CHD2: variants seen among roughly 807,000 people sequenced by gnomAD.
CHD2 encodes the protein chromodomain helicase DNA binding protein 2, also known as ATP-dependent chromatin remodeler CHD2.
A neutral mutation model predicts 243.9 loss-of-function variants in CHD2; 28 were observed. That is an observed-to-expected ratio of 0.11 (90% CI 0.09 to 0.16). The LOEUF (loss-of-function observed/expected upper bound fraction) is 0.16. Ranked by LOEUF, CHD2 falls within the 10% of genes least tolerant of loss-of-function variation. The pLI, the probability that CHD2 is intolerant of heterozygous loss-of-function variation, is 1.00. For synonymous variants in CHD2, 775 were observed against 779.0 expected (o/e 0.99, Z 0.09); for missense variants, 1,386 against 2,209.8 (o/e 0.63, Z 7.47).
At position 92,997,421 on chromosome 15, in the gene CHD2, G is replaced by A; in HGVS notation, c.3885+18G>A. On this transcript the variant is annotated intron_variant, in intron 30 of 38. Transcript: ENST00000394196. This position sits in a 1 kb window ranked among gnomAD's most constrained non-coding sequence, Gnocchi z 4.1. The stretch of plus-strand genomic sequence containing the variant: ...CTGACAAAGTAAGTAACCCTACCAT[G>A]CTAGAGATTTCTAGAAGATTTGTTG... 6.5e-7 allele frequency: 1 copy of A among 1,528,984 alleles called. No individual in the cohort carries two copies. Among genetic ancestry groups the A allele is most frequent in the Non-Finnish European group, 8.8e-7 (1 of 1,142,346 alleles). 94.7% of individuals were successfully genotyped at this position (1,528,984 alleles called of 1,614,324 possible).
rs1396749373 is a variant in CHD2, at chr15:92,949,093, G to A, written c.1502+17G>A. ...CTGGTGCAAGTAGGTAGAAAAATAT[G>A]AGTGCAATTTTCCTTACTGTTTCTG... On this transcript the variant is annotated intron_variant, in intron 13 of 38. Transcript: ENST00000394196. The A allele has an allele frequency of 6.2e-7, 1 of 1,606,008 alleles. No homozygotes were observed. The highest frequency in any genetic ancestry group is 1.7e-5 in the Admixed American group (1 of 57,308).
chr15:92,935,768 TATGCTCCGGGG>T (rs761853353), intron 5 of CHD2, among the ~76,000 whole-genome samples: 77 of 152,170 alleles, frequency 5.1e-4, no homozygotes, highest in Non-Finnish European at 7.9e-4. Context: ...TTTATTGTAC[TATGCTCCGGGG>T]AAGCAGAATT....
chr15:93,011,277 G>A lies in CHD2; in HGVS notation c.4593-1068G>A, dbSNP rs146633304. ...GTTCGTCATGAGGCAGCAAATGCAA[G>A]CCCAGATAGAGTGGAAGTGTTGAGA... On this transcript the variant is annotated intron_variant, in intron 35 of 38. Transcript: ENST00000394196. Among the ~76,000 whole-genome samples the A allele has an allele frequency of 3.7e-4, 57 of 152,292 alleles. No individual in the cohort carries two copies. In the East Asian group the frequency reaches 0.011, roughly 28 times the overall value.
intron 20 of CHD2, among the ~76,000 whole-genome samples, chr15:92,976,151 AT>A (rs1260674133): frequency 6.6e-6 from 1 of 152,176 alleles, no homozygotes; most frequent in East Asian, 1.9e-4. Flanking sequence ...AGTTTAAAAA[AT>A]AGTATGAGTC....
At chr15:93,023,708 T>C (rs2054560742) in intron 38 of CHD2, among the ~76,000 whole-genome samples, 1 of 151,854 alleles carries the variant, frequency 6.6e-6, no homozygotes, top group South Asian at 2.1e-4. Context: ...ATCTCCATCT[T>C]CGTGGGTGTG....
At chr15:92,987,972 C>T (rs1352463813) in intron 26 of CHD2, among the ~76,000 whole-genome samples, 1 of 152,080 alleles carries the variant, frequency 6.6e-6, no homozygotes, top group African/African-American at 2.4e-5. Flanking sequence ...AACTTTGCCC[C>T]AGTTATAGCT....
chr15:92,932,155 C>T (rs781252776), intron 5 of CHD2, among the ~76,000 whole-genome samples: 4 of 152,168 alleles, frequency 2.6e-5, no homozygotes, highest in Non-Finnish European at 4.4e-5. Flanking sequence ...AGCCACCGCA[C>T]CTGGCTGCTG....
chr15:92,957,643 C>T (rs911334923), intron 16 of CHD2, among the ~76,000 whole-genome samples: 3 of 151,492 alleles, frequency 2.0e-5, no homozygotes, highest in African/African-American at 7.3e-5. Context: ...TAGATATATG[C>T]TCTACAATCT....
intron 20 of CHD2, among the ~76,000 whole-genome samples, chr15:92,977,677 G>T (rs1295024572): frequency 6.6e-6 from 1 of 152,130 alleles, no homozygotes; most frequent in Non-Finnish European, 1.5e-5. Context: ...AACCTGTTTT[G>T]ATTTTTTTAT....
chr15:93,018,204 A>C (rs1328140029), intron 37 of CHD2, among the ~76,000 whole-genome samples: 1 of 152,244 alleles, frequency 6.6e-6, no homozygotes, highest in Non-Finnish European at 1.5e-5. Flanking sequence ...TCGCATATTT[A>C]GAAGGTGTCT....
At chr15:93,019,275 G>A (rs1469408598) in intron 37 of CHD2, among the ~76,000 whole-genome samples, 1 of 152,190 alleles carries the variant, frequency 6.6e-6, no homozygotes, top group East Asian at 1.9e-4. Context: ...TGTGTAACCG[G>A]AGGATATTAC....
chr15:92,976,146 A>C (rs2053904725), intron 20 of CHD2, among the ~76,000 whole-genome samples: 1 of 152,170 alleles, frequency 6.6e-6, no homozygotes, highest in Admixed American at 6.5e-5. Flanking sequence ...CTCTTAGTTT[A>C]AAAAATAGTA....
intron 6 of CHD2, 118 bp from the exon 7 acceptor site, chr15:92,939,460 C>T: frequency 1.8e-6 from 2 of 1,085,072 alleles, no homozygotes; most frequent in Non-Finnish European, 2.6e-6. Context: ...TTTAACATTC[C>T]CCAAGTGAAA....
intron 2 of CHD2, among the ~76,000 whole-genome samples, chr15:92,920,749 C>G (rs182149631): frequency 6.6e-6 from 1 of 152,292 alleles, no homozygotes; most frequent in Non-Finnish European, 1.5e-5. Context: ...TGGAGTTAAA[C>G]ATTATAGTAG....
At position 92,965,565 on chromosome 15, in the gene CHD2, C is replaced by CAAAAAAA. The variant is rs61447848; in HGVS notation, c.2001-1736_2001-1730dup. On this transcript the variant is annotated intron_variant, in intron 16 of 38. Transcript: ENST00000394196. ...GGCGACAGAGCCGAGACTCTTTCTC[C>CAAAAAAA]AAAAAAAAAAAAAAAAAAAAAAAAA... is the stretch of plus-strand genomic sequence containing the variant. Among the ~76,000 whole-genome samples, 790 of 110,950 alleles carry CAAAAAAA rather than the reference C, an allele frequency of 7.1e-3. 28 individuals are homozygous for CAAAAAAA. Among genetic ancestry groups the CAAAAAAA allele is most frequent in the Non-Finnish European group, 9.9e-3 (579 of 58,468 alleles). The allele number at this position is 110,950 out of a possible 152,430, so 72.8% of individuals were successfully genotyped here.
intron 7 of CHD2, 79 bp downstream of exon 7, chr15:92,939,797 G>A: frequency 1.4e-6 from 2 of 1,446,198 alleles, no homozygotes; most frequent in Non-Finnish European, 1.9e-6. Flanking sequence ...ATAAGTCCGG[G>A]GTTGTGCACT....
At chr15:92,972,059 A>G (rs1482703155) in intron 18 of CHD2, 132 bp downstream of exon 18, 11 of 1,085,742 alleles carry the variant, frequency 1.0e-5, no homozygotes, top group Non-Finnish European at 1.4e-5. Context: ...AATGGGAGAG[A>G]AAAGGTAACT....
chr15:92,931,113 C>A (rs1487839568), intron 5 of CHD2, among the ~76,000 whole-genome samples: 3 of 152,158 alleles, frequency 2.0e-5, no homozygotes, highest in East Asian at 3.9e-4. Context: ...TGTAACATAA[C>A]CTAATGTGTG....
rs1567169595 is a variant in CHD2 at position 93,026,674 on chromosome 15, G to C, written c.*1969G>C. 6.6e-6 allele frequency: 1 copy of C among 152,272 alleles called. No individual in the cohort carries two copies. Among genetic ancestry groups the C allele is most frequent in the Non-Finnish European group, 1.5e-5 (1 of 68,076 alleles). The allele number at this position is 152,272 out of a possible 1,614,324, so 9.4% of individuals were successfully genotyped here. A position where few individuals can be genotyped will look rare whatever the true frequency, so the allele number is the denominator to read the frequency against. Reference sequence around the variant, plus strand: ...GGGCAGGGCCTGTGTCTCCACTTAGGCCACACAGTGATGAGGAAACCACAG... The same window carrying C: ...GGGCAGGGCCTGTGTCTCCACTTAGCCCACACAGTGATGAGGAAACCACAG... On this transcript the variant is annotated 3_prime_UTR_variant, in exon 39 of 39. Transcript: ENST00000394196.
Sources: gnomAD v4.1 joint callset for allele counts (sites outside exome capture counted in the v4.1 genomes callset) on GRCh38, gnomAD v4.1.1 for gene constraint, Gnocchi (gnomAD v3.1) non-coding constraint, MANE v1.5 for transcripts, NCBI Gene and HGNC (gene_info 2026-07-23, HGNC 2026-07-21) for gene names.